The following BAZ2B variants were observed in gnomAD, a reference collection of about 807,000 sequenced individuals.
The protein encoded by BAZ2B is bromodomain adjacent to zinc finger domain 2B.
A neutral mutation model predicts 246.0 loss-of-function variants in BAZ2B; 91 were observed. That is an observed-to-expected ratio of 0.37 (90% CI 0.31 to 0.44). The LOEUF is 0.44. Among genes scored for constraint, BAZ2B ranks in the 20% least tolerant of loss-of-function variants. The pLI is 1.00. For synonymous variants in BAZ2B, 855 were observed against 860.0 expected (o/e 0.99, Z 0.10); for missense variants, 2,332 against 2,533.7 (o/e 0.92, Z 1.71).
At chr2:159,698,072 T>G in the BAZ2B span, among the ~76,000 whole-genome samples, 69,488 of 152,034 alleles carry the variant, frequency 0.46, 16,736 homozygotes, top group Middle Eastern at 0.64. Flanking sequence ...AAAATACTTT[T>G]AATATCAGAA....
At chr2:159,685,728 T>C in the BAZ2B span, among the ~76,000 whole-genome samples, 1 of 152,150 alleles carries the variant, frequency 6.6e-6, no homozygotes, top group Non-Finnish European at 1.5e-5. Flanking sequence ...CATAATGCCA[T>C]ATTACACTAT....
At chr2:159,563,179 A>G (rs1482500782) in intron 1 of BAZ2B, among the ~76,000 whole-genome samples, 4 of 152,204 alleles carry the variant, frequency 2.6e-5, no homozygotes, top group African/African-American at 9.6e-5. Context: ...ATGAATATTT[A>G]GAGAAATTAA....
intron 1 of BAZ2B, among the ~76,000 whole-genome samples, chr2:159,583,909 C>T (rs1420086196): frequency 6.6e-6 from 1 of 152,008 alleles, no homozygotes; most frequent in African/African-American, 2.4e-5. Flanking sequence ...ATACAAATAG[C>T]TTGAGGGAAG....
At chr2:159,656,085 TGTTTA>T in the BAZ2B span, among the ~76,000 whole-genome samples, 3 of 152,186 alleles carry the variant, frequency 2.0e-5, no homozygotes, top group Non-Finnish European at 4.4e-5. Flanking sequence ...CTGAAAGTTT[TGTTTA>T]TTTATTTTTA....
chr2:159,389,109 CCAACCAACCAACCAACCAAA>C (rs1359393275), intron 21 of BAZ2B, among the ~76,000 whole-genome samples: 1 of 151,012 alleles, frequency 6.6e-6, no homozygotes, highest in African/African-American at 2.4e-5. Context: ...AACCAACCAA[CCAACCAACCAACCAACCAAA>C]CAAACAAACA....
chr2:159,504,004 T>C (rs1362000657), intron 2 of BAZ2B, among the ~76,000 whole-genome samples: 5 of 152,204 alleles, frequency 3.3e-5, no homozygotes, highest in African/African-American at 1.2e-4. Context: ...ACTGTAAACT[T>C]AGTAAGGCAA....
intron 1 of BAZ2B, among the ~76,000 whole-genome samples, chr2:159,582,034 G>A (rs187424030): frequency 4.5e-4 from 67 of 148,556 alleles, no homozygotes; most frequent in African/African-American, 1.5e-3. Context: ...AAACCTGCAC[G>A]TTGTGCACAT....
intron 1 of BAZ2B, among the ~76,000 whole-genome samples, chr2:159,574,142 TACACACACAC>T (rs70997110): frequency 1.1e-3 from 160 of 145,172 alleles, no homozygotes; most frequent in African/African-American, 2.0e-3. Flanking sequence ...CACACACACA[TACACACACAC>T]ACACACACAC....
At position 159,514,781 on chromosome 2, in the gene BAZ2B, AG is replaced by A. The variant is rs1185650535; in HGVS notation, c.-2-36061del. 4.6e-5 allele frequency among the ~76,000 whole-genome samples: 7 copies of A among 152,280 alleles called. No individual in the cohort carries two copies. In the East Asian group the frequency reaches 1.3e-3, roughly 29 times the overall value. ...ATTATCATGAATAGTAAATGACAAAAGAATTAGCCCAGAGGTTTGCATATAG... is the reference window on the plus strand; with the variant it reads ...ATTATCATGAATAGTAAATGACAAAAAATTAGCCCAGAGGTTTGCATATAG... On this transcript the variant is annotated intron_variant, in intron 2 of 36. Coordinates refer to ENST00000392783, the MANE Select transcript of BAZ2B (RefSeq NM_013450.4).
At chr2:159,563,031 G>T (rs2151510414) in intron 1 of BAZ2B, among the ~76,000 whole-genome samples, 1 of 152,174 alleles carries the variant, frequency 6.6e-6, no homozygotes, top group East Asian at 1.9e-4. Context: ...GTGAAGACTG[G>T]AAAAATAATC....
At chr2:159,635,384 C>A in the BAZ2B span, among the ~76,000 whole-genome samples, 1 of 151,588 alleles carries the variant, frequency 6.6e-6, no homozygotes, top group African/African-American at 2.4e-5. Flanking sequence ...AAAAAAATAA[C>A]AAAACCCAAA....
At chr2:159,667,226 GT>G in the BAZ2B span, among the ~76,000 whole-genome samples, 3 of 150,512 alleles carry the variant, frequency 2.0e-5, no homozygotes, top group East Asian at 5.9e-4. Flanking sequence ...TTAATTTTGA[GT>G]TTTTTTCTTC....
At chr2:159,434,909 C>T (rs1418832845) in intron 8 of BAZ2B, 1 of 151,890 alleles carries the variant, frequency 6.6e-6, no homozygotes, top group Non-Finnish European at 1.5e-5. Context: ...CTATTAGAAT[C>T]CCCTTGAAAA....
At chr2:159,626,304 CT>C in the BAZ2B span, among the ~76,000 whole-genome samples, 1 of 152,144 alleles carries the variant, frequency 6.6e-6, no homozygotes, top group African/African-American at 2.4e-5. Flanking sequence ...AGGACTTCAA[CT>C]CAGCTCTGGA....
At chr2:159,662,998 A>AT in the BAZ2B span, among the ~76,000 whole-genome samples, 8 of 151,948 alleles carry the variant, frequency 5.3e-5, no homozygotes. Context: ...TTCTTTGTCC[A>AT]TTTTTTAAAA....
chr2:159,482,164 T>C (rs538023887), intron 2 of BAZ2B, among the ~76,000 whole-genome samples: 11 of 149,150 alleles, frequency 7.4e-5, no homozygotes, highest in African/African-American at 2.4e-4. Flanking sequence ...GTCTTCCATA[T>C]AGTAAGCACT....
chr2:159,558,005 A>G (rs1003634083), intron 1 of BAZ2B, among the ~76,000 whole-genome samples: 1 of 152,128 alleles, frequency 6.6e-6, no homozygotes, highest in Non-Finnish European at 1.5e-5. Context: ...ATAGTGAAGA[A>G]GAGGAAATGC....
rs1352790047 is a variant in BAZ2B at position 159,324,518 on chromosome 2, G to A, written c.6353+293C>T. ...GATACTTTTCCTTACCTTCAGCTTG[G>A]GTTTGTGGTGCTCTTTCAATGTCAA... On this transcript the variant is annotated intron_variant, in intron 36 of 36. Coordinates refer to ENST00000392783, the MANE Select transcript of BAZ2B (RefSeq NM_013450.4). Among the ~76,000 whole-genome samples, 7 of 151,416 alleles carry A rather than the reference G, an allele frequency of 4.6e-5. No individual in the cohort carries two copies. In the East Asian group the frequency reaches 1.2e-3, roughly 25 times the overall value.
At chr2:159,490,403 T>C (rs1010062575) in intron 2 of BAZ2B, among the ~76,000 whole-genome samples, 2 of 152,220 alleles carry the variant, frequency 1.3e-5, no homozygotes, top group Non-Finnish European at 2.9e-5. Context: ...GTATGACCCA[T>C]CTAACCTAAA....
Sources: gnomAD v4.1 joint callset for allele counts (sites outside exome capture counted in the v4.1 genomes callset) on GRCh38, gnomAD v4.1.1 for gene constraint, MANE v1.5 for transcripts, NCBI Gene and HGNC (gene_info 2026-07-23, HGNC 2026-07-21) for gene names.